DOCK5: variants seen among roughly 807,000 people sequenced by gnomAD.
DOCK5 encodes dedicator of cytokinesis protein 5.
A neutral mutation model predicts 251.8 loss-of-function variants in DOCK5; 142 were observed. That is an observed-to-expected ratio of 0.56 (90% CI 0.49 to 0.65). The LOEUF (loss-of-function observed/expected upper bound fraction) is 0.65. Among genes scored for constraint, DOCK5 ranks in the 30% least tolerant of loss-of-function variants. The pLI, the probability that DOCK5 is intolerant of heterozygous loss-of-function variation, is 0.00. For missense variants in DOCK5, 2,111 were observed against 2,312.3 expected (o/e 0.91, Z 1.79); for synonymous variants, 842 against 835.5 (o/e 1.01, Z -0.13).
At chr8:25,306,679 G>A (rs1462428580) in intron 11 of DOCK5, among the ~76,000 whole-genome samples, 1 of 151,578 alleles carries the variant, frequency 6.6e-6, no homozygotes, top group Non-Finnish European at 1.5e-5. Flanking sequence ...CGGCGACAGA[G>A]CGAGACTCCG....
At chr8:25,298,119 A>G (rs1804666595) in intron 7 of DOCK5, among the ~76,000 whole-genome samples, 1 of 150,766 alleles carries the variant, frequency 6.6e-6, no homozygotes, top group Non-Finnish European at 1.5e-5. Flanking sequence ...ACATATTGAC[A>G]TTTTAATATG....
intron 1 of DOCK5, among the ~76,000 whole-genome samples, chr8:25,220,801 A>G (rs1802366788): frequency 6.6e-6 from 1 of 151,996 alleles, no homozygotes; most frequent in African/African-American, 2.4e-5. Flanking sequence ...TTGGGGTTTC[A>G]CCATGTTGGC....
At chr8:25,200,977 G>A (rs531018793) in intron 1 of DOCK5, among the ~76,000 whole-genome samples, 2 of 152,222 alleles carry the variant, frequency 1.3e-5, no homozygotes, top group South Asian at 4.1e-4. Flanking sequence ...TGCAATCTCG[G>A]CTCACTGCAA....
intron 1 of DOCK5, among the ~76,000 whole-genome samples, chr8:25,187,317 A>ATGTG (rs562569023): frequency 6.9e-6 from 1 of 145,820 alleles, no homozygotes; most frequent in Non-Finnish European, 1.5e-5. Context: ...ATATGCGTAT[A>ATGTG]TGTGTGTGTG....
At chr8:25,185,052 C>T in intron 1 of DOCK5, 101 bp downstream of exon 1, 2 of 1,218,442 alleles carry the variant, frequency 1.6e-6, no homozygotes, top group Non-Finnish European at 2.1e-6. Flanking sequence ...GGACCCTGGC[C>T]GGGGGCTCGG....
intron 5 of DOCK5, among the ~76,000 whole-genome samples, chr8:25,278,979 A>G (rs1011789282): frequency 1.4e-4 from 22 of 152,204 alleles, no homozygotes; most frequent in African/African-American, 5.1e-4. Flanking sequence ...GAAACTATGA[A>G]TCCTCACAAC....
chr8:25,372,704 A>G lies in DOCK5; in HGVS notation c.3670A>G (p.Thr1224Ala). Residue 1224 changes from threonine to alanine, a missense_variant, in exon 35 of 52, where the codon ACT (threonine) becomes GCT (alanine). Physicochemically the swap from Thr to Ala is moderately conservative, Grantham distance 58. Transcript: ENST00000276440. Reference sequence around the variant, plus strand: ...GAGCAAGGAGAACCGTATGAGCTGCACTGTGAACGTGCTGGTATGTGACAT... The same window carrying G: ...GAGCAAGGAGAACCGTATGAGCTGCGCTGTGAACGTGCTGGTATGTGACAT... ...DESKENRMSC[T>A]VNVLNFYKEK... The G allele has an allele frequency of 6.2e-7, 1 of 1,611,116 alleles. No homozygotes were observed. Among genetic ancestry groups the G allele is most frequent in the Non-Finnish European group, 8.5e-7 (1 of 1,178,692 alleles).
At chr8:25,190,801 T>TTTTTA (rs1801564629) in intron 1 of DOCK5, among the ~76,000 whole-genome samples, 2 of 141,418 alleles carry the variant, frequency 1.4e-5, no homozygotes, top group African/African-American at 5.2e-5. Flanking sequence ...TTTTTTTTTT[T>TTTTTA]GAGACGGAGT....
At chr8:25,232,866 C>G (rs1802705144) in intron 1 of DOCK5, among the ~76,000 whole-genome samples, 1 of 152,170 alleles carries the variant, frequency 6.6e-6, no homozygotes, top group Non-Finnish European at 1.5e-5. Context: ...GCTTTCTCTA[C>G]TCTGGTTGTG....
intron 26 of DOCK5, among the ~76,000 whole-genome samples, chr8:25,351,203 G>A (rs1052236565): frequency 6.6e-6 from 1 of 151,994 alleles, no homozygotes; most frequent in South Asian, 2.1e-4. Context: ...GACTACAGAT[G>A]CCCGCCACCA....
chr8:25,227,391 G>A (rs982671285), intron 1 of DOCK5, among the ~76,000 whole-genome samples: 7 of 151,110 alleles, frequency 4.6e-5, no homozygotes, highest in African/African-American at 1.5e-4. Context: ...CAAGCAAATA[G>A]CCAATTATAC....
chr8:25,336,511 A>C (rs565187538), intron 22 of DOCK5, 138 bp downstream of exon 22: 35 of 1,207,326 alleles, frequency 2.9e-5, no homozygotes, highest in Non-Finnish European at 3.7e-5. Context: ...GCAGGGCTGA[A>C]GATGGATTTG....
chr8:25,372,129 T>G (rs1210460626), intron 34 of DOCK5, among the ~76,000 whole-genome samples: 1 of 152,192 alleles, frequency 6.6e-6, no homozygotes, highest in Non-Finnish European at 1.5e-5. Flanking sequence ...ATGCCCTGAG[T>G]GCCAGGCCTT....
chr8:25,389,308 G>A (rs1801217978), intron 41 of DOCK5, 76 bp downstream of exon 41: 1 of 1,537,714 alleles, frequency 6.5e-7, no homozygotes, highest in South Asian at 1.2e-5. Flanking sequence ...GAGAACATAG[G>A]AGCTACAGTC....
chr8:25,210,131 T>TCTAA lies in DOCK5; in HGVS notation c.43+25183_43+25184insACTA, dbSNP rs1238023668. On this transcript the variant is annotated intron_variant, in intron 1 of 51. Coordinates refer to ENST00000276440, the MANE Select transcript of DOCK5 (RefSeq NM_024940.8). ...ATCTATCTATCTATCTATCTATCTATCTATCGAGTAGAGATGGGGCCTTGC... is the reference window on the plus strand; with the variant it reads ...ATCTATCTATCTATCTATCTATCTATCTAACTATCGAGTAGAGATGGGGCCTTGC... Among the ~76,000 whole-genome samples the TCTAA allele has an allele frequency of 3.2e-4, 15 of 46,498 alleles. 2 individuals are homozygous for TCTAA. The highest frequency in any genetic ancestry group is 7.3e-4 in the African/African-American group (15 of 20,642). 30.5% of individuals were successfully genotyped at this position (46,498 alleles called of 152,430 possible).
At chr8:25,258,581 C>T (rs1273684077) in intron 2 of DOCK5, among the ~76,000 whole-genome samples, 1 of 152,116 alleles carries the variant, frequency 6.6e-6, no homozygotes, top group Non-Finnish European at 1.5e-5. Flanking sequence ...TGCTTTAGCG[C>T]TGCCTGTCTC....
chr8:25,384,465 T>TTATTTATTTATTTA (rs896279959), intron 40 of DOCK5, among the ~76,000 whole-genome samples: 1 of 96,426 alleles, frequency 1.0e-5, no homozygotes, highest in African/African-American at 3.4e-5. Context: ...ATTTATTTAT[T>TTATTTATTTATTTA]TTTTTTTTTT....
intron 2 of DOCK5, among the ~76,000 whole-genome samples, chr8:25,261,111 C>G (rs1240146741): frequency 1.3e-5 from 2 of 152,134 alleles, no homozygotes; most frequent in African/African-American, 4.8e-5. Context: ...TAAAGTAGCT[C>G]CATCCTCAGG....
intron 3 of DOCK5, chr8:25,271,004 G>A: frequency 4.6e-6 from 2 of 438,094 alleles, no homozygotes; most frequent in Non-Finnish European, 8.1e-6. Flanking sequence ...ATAAACCTCT[G>A]CTTACTTTTT....
Sources: gnomAD v4.1 joint callset for allele counts (sites outside exome capture counted in the v4.1 genomes callset) on GRCh38, gnomAD v4.1.1 for gene constraint, MANE v1.5 for transcripts, NCBI Gene and HGNC (gene_info 2026-07-23, HGNC 2026-07-21) for gene names.